Variants in TCF7L2 observed in about 807,000 individuals in gnomAD.
TCF7L2 encodes transcription factor 7 like 2, also known as transcription factor 7-like 2.
TCF7L2 carries 23 observed loss-of-function variants against 77.9 expected under a neutral mutation model. That is an observed-to-expected ratio of 0.30 (90% CI 0.21 to 0.42). The LOEUF (loss-of-function observed/expected upper bound fraction) is 0.42, where lower values mean the gene tolerates loss of function less well. Ranked by LOEUF, TCF7L2 falls within the 10% of genes least tolerant of loss-of-function variation. TCF7L2 has a pLI of 1.00. For missense variants in TCF7L2, 654 were observed against 793.1 expected, an observed-to-expected ratio of 0.82 and a Z score of 2.11; for synonymous variants, 413 against 340.2, an observed-to-expected ratio of 1.21 and a Z score of -2.36.
chr10:113,083,702 A>C (rs1322704834), intron 5 of TCF7L2, among the ~76,000 whole-genome samples: 1 of 152,190 alleles, frequency 6.6e-6, no homozygotes, highest in Non-Finnish European at 1.5e-5. Flanking sequence ...CTTGTGTGTG[A>C]ATACATGATA....
At chr10:113,120,975 G>A (rs1194017976) in intron 5 of TCF7L2, among the ~76,000 whole-genome samples, 1 of 152,120 alleles carries the variant, frequency 6.6e-6, no homozygotes, top group Non-Finnish European at 1.5e-5. Context: ...TGATTTAAAG[G>A]CATGATAGAT....
chr10:113,163,763 C>T (rs1421741690), intron 13 of TCF7L2, among the ~76,000 whole-genome samples: 1 of 152,022 alleles, frequency 6.6e-6, no homozygotes, highest in African/African-American at 2.4e-5. Context: ...ACCCTGAGGC[C>T]ACTAGCCCCC....
rs34087825 is a variant in TCF7L2 at position 113,063,893 on chromosome 10, C to CGTGTGTGTGTGTGTGT, written c.552+23782_552+23797dup. Among the ~76,000 whole-genome samples the CGTGTGTGTGTGTGTGT allele has an allele frequency of 3.4e-5, 5 of 147,160 alleles. 1 individual carries two copies. Among genetic ancestry groups the CGTGTGTGTGTGTGTGT allele is most frequent in the African/African-American group, 7.6e-5 (3 of 39,688 alleles). On this transcript the variant is annotated intron_variant, in intron 5 of 13. Transcript: ENST00000627217. ...TATGTGTGTGTGCACATGGATGTGG[C>CGTGTGTGTGTGTGTGT]GTGTGTGTGTGTGTGTGTGTGTGTG...
chr10:112,987,513 A>G (rs1434056720), intron 4 of TCF7L2: 2 of 151,994 alleles, frequency 1.3e-5, no homozygotes, highest in Admixed American at 1.3e-4. Context: ...GATGCTCTCA[A>G]GAGCGTCAAC....
At chr10:113,041,572 G>A (rs991141942) in intron 5 of TCF7L2, among the ~76,000 whole-genome samples, 11 of 152,166 alleles carry the variant, frequency 7.2e-5, no homozygotes, top group African/African-American at 2.2e-4. Context: ...TAACTGCTGT[G>A]GCTGGTTCTG....
intron 5 of TCF7L2, among the ~76,000 whole-genome samples, chr10:113,085,227 T>G (rs1014867194): frequency 1.3e-5 from 1 of 74,366 alleles, no homozygotes; most frequent in Non-Finnish European, 3.0e-5. Context: ...CATCTGGCTA[T>G]TTTTTTTTTT....
rs142096579 is a variant in TCF7L2, at chr10:113,089,922, T to C, written c.552+49796T>C. Among the ~76,000 whole-genome samples, 439 of 152,306 alleles carry C rather than the reference T, an allele frequency of 2.9e-3. 3 individuals carry two copies. The highest frequency in any genetic ancestry group is 8.5e-3 in the African/African-American group (355 of 41,562). On this transcript the variant is annotated intron_variant, in intron 5 of 13. Coordinates refer to ENST00000627217, the MANE Select transcript of TCF7L2 (RefSeq NM_001146274.2). The stretch of plus-strand genomic sequence containing the variant: ...TTCACAGTTCACAATGGAGGAGAAG[T>C]TACCACCTCAACTTTGCCTTCGTTA...
At chr10:112,981,015 T>G (rs893678132) in intron 4 of TCF7L2, among the ~76,000 whole-genome samples, 9 of 152,180 alleles carry the variant, frequency 5.9e-5, no homozygotes, top group African/African-American at 2.2e-4. Context: ...ATAAAGACAC[T>G]TTTTTCTTGA....
intron 5 of TCF7L2, among the ~76,000 whole-genome samples, chr10:113,052,098 A>C (rs1373853241): frequency 1.3e-5 from 2 of 152,186 alleles, no homozygotes; most frequent in South Asian, 2.1e-4. Context: ...TTACAACTTC[A>C]TTATTTGATG....
Position 113,146,510 on chromosome 10 carries a change from A to G in TCF7L2, c.875+413A>G, listed in dbSNP as rs142419244. Among the ~76,000 whole-genome samples, 11 of 152,290 alleles carry G rather than the reference A, an allele frequency of 7.2e-5. No individual in the cohort carries two copies. The East Asian group carries it at 2.1e-3, about 29-fold the overall frequency. ...CTCAGACTCTGATTGCAAGTCAACA[A>G]GAAAGCATCCGCCTCCTCCCCTCGA... is the stretch of plus-strand genomic sequence containing the variant. On this transcript the variant is annotated intron_variant, in intron 8 of 13. Transcript: ENST00000627217.
chr10:113,166,563 T>G lies in TCF7L2; in HGVS notation c.*591T>G, dbSNP rs755481107. On this transcript the variant is annotated 3_prime_UTR_variant, in exon 14 of 14. Transcript: ENST00000627217. Reference sequence around the variant, plus strand: ...TGTTAATATACCTTGTTCCATGGTGTTGTTCTTTTGGGGGGAGGGGACGCT... The same window carrying G: ...TGTTAATATACCTTGTTCCATGGTGGTGTTCTTTTGGGGGGAGGGGACGCT... The G allele has an allele frequency of 1.9e-4, 43 of 224,006 alleles. 1 individual carries two copies. The highest frequency in any genetic ancestry group is 5.5e-4 in the South Asian group (3 of 5,428). 13.9% of individuals were successfully genotyped at this position (224,006 alleles called of 1,614,324 possible). A position where few individuals can be genotyped will look rare whatever the true frequency, so the allele number is the denominator to read the frequency against.
intron 5 of TCF7L2, among the ~76,000 whole-genome samples, chr10:113,094,030 C>G (rs558721841): frequency 6.6e-6 from 1 of 152,232 alleles, no homozygotes. Context: ...TTGTGGTTGA[C>G]CTACCCTTTT....
chr10:113,060,824 G>A (rs2056318729), intron 5 of TCF7L2, among the ~76,000 whole-genome samples: 1 of 152,156 alleles, frequency 6.6e-6, no homozygotes, highest in Non-Finnish European at 1.5e-5. Context: ...GCCCAGAATG[G>A]CTGGATCGCC....
intron 5 of TCF7L2, among the ~76,000 whole-genome samples, chr10:113,103,154 G>T (rs1029702118): frequency 3.3e-5 from 5 of 152,102 alleles, no homozygotes; most frequent in Non-Finnish European, 2.9e-5. Flanking sequence ...TTTGAAGGCT[G>T]GGTCTTCAAA....
chr10:113,080,285 G>A (rs538423989), intron 5 of TCF7L2, among the ~76,000 whole-genome samples: 173 of 151,956 alleles, frequency 1.1e-3, no homozygotes, highest in African/African-American at 4.0e-3. Context: ...GTTTCAAGCT[G>A]AGAAACCCCA....
intron 4 of TCF7L2, among the ~76,000 whole-genome samples, chr10:112,993,951 A>G (rs2043035369): frequency 6.6e-6 from 1 of 151,850 alleles, no homozygotes; most frequent in Non-Finnish European, 1.5e-5. Flanking sequence ...GCTACTCAGG[A>G]GGCTGAGGCA....
chr10:113,144,088 CTGTGTGTGTGTCTGTGTGTGTGTGTGTG>C (rs1435731965), intron 7 of TCF7L2, 63 bp downstream of exon 7: 75 of 1,261,798 alleles, frequency 5.9e-5, no homozygotes, highest in African/African-American at 2.1e-4. Context: ...ATTATTTATT[CTGTGTGTGTGTCTGTGTGTGTGTGTGTG>C]TGTGTGTGTG....
At chr10:113,160,598 G>A (rs759609853) in intron 12 of TCF7L2, 1 of 1,574,652 alleles carries the variant, frequency 6.4e-7, no homozygotes, top group Non-Finnish European at 8.6e-7. Flanking sequence ...TGTATTTTTT[G>A]TGTTTACCTT....
intron 11 of TCF7L2, among the ~76,000 whole-genome samples, chr10:113,155,756 G>A (rs907328615): frequency 3.3e-5 from 5 of 152,198 alleles, no homozygotes; most frequent in African/African-American, 7.2e-5. Context: ...TAAATGAACC[G>A]AAACTAGGCC....
Sources: gnomAD v4.1 joint callset for allele counts (sites outside exome capture counted in the v4.1 genomes callset) on GRCh38, gnomAD v4.1.1 for gene constraint, MANE v1.5 for transcripts, NCBI Gene and HGNC (gene_info 2026-07-23, HGNC 2026-07-21) for gene names.